The following PRDM16 variants were observed in gnomAD, a reference collection of about 807,000 sequenced individuals.
PRDM16 encodes histone-lysine N-methyltransferase PRDM16.
Under a neutral mutation model 110.6 loss-of-function variants are expected in PRDM16, and 23 were observed. The observed-to-expected ratio is 0.21, with a 90% CI of 0.15 to 0.29. PRDM16 has a LOEUF of 0.29. Ranked by LOEUF, PRDM16 falls within the 10% of genes least tolerant of loss-of-function variation. The pLI is 1.00. For missense variants in PRDM16, 1,615 were observed against 1,794.3 expected (o/e 0.90, Z 1.81); for synonymous variants, 799 against 781.8 (o/e 1.02, Z -0.37).
chr1:3,263,060 C>T (rs143790737), intron 3 of PRDM16, among the ~76,000 whole-genome samples: 91 of 152,240 alleles, frequency 6.0e-4, no homozygotes, highest in Non-Finnish European at 9.7e-4. Context: ...GGGCATGCAG[C>T]CTCTGGTTGG....
rs770605100 is a variant in PRDM16 at position 3,385,107 on chromosome 1, GCACA to G, written c.439-42_439-39del. 7.6e-4 allele frequency: 1,219 copies of G among 1,611,290 alleles called. 1 individual carries two copies. The highest frequency in any genetic ancestry group is 9.5e-4 in the Non-Finnish European group (1,123 of 1,179,456). ...GGGCAGAGGCTGTGTGCAGACTCCA[GCACA>G]CAGGGCACCTCTGACTCCCGCTTCG... On this transcript the variant is annotated intron_variant, in intron 3 of 16. Coordinates refer to ENST00000270722, the MANE Select transcript of PRDM16 (RefSeq NM_022114.4).
At chr1:3,124,885 G>T (rs1294133194) in intron 1 of PRDM16, among the ~76,000 whole-genome samples, 1 of 150,810 alleles carries the variant, frequency 6.6e-6, no homozygotes. Flanking sequence ...CAGCCCTGTG[G>T]GAAGTAGGCT....
intron 2 of PRDM16, among the ~76,000 whole-genome samples, chr1:3,188,743 G>A (rs1489811711): frequency 6.6e-6 from 1 of 152,166 alleles, no homozygotes; most frequent in Non-Finnish European, 1.5e-5. Flanking sequence ...CAGATGGGAC[G>A]GGGGGCAGCC....
chr1:3,192,731 G>A (rs1165662824), intron 2 of PRDM16, among the ~76,000 whole-genome samples: 1 of 152,062 alleles, frequency 6.6e-6, no homozygotes, highest in African/African-American at 2.4e-5. Context: ...GAGGCTCCTG[G>A]GACTCTGCTT....
At chr1:3,073,720 C>T (rs1164551822) in intron 1 of PRDM16, among the ~76,000 whole-genome samples, 1 of 152,190 alleles carries the variant, frequency 6.6e-6, no homozygotes, top group Non-Finnish European at 1.5e-5. Flanking sequence ...CCACTCCCCG[C>T]GCACAAAGTC....
chr1:3,079,156 C>G (rs1456228308), intron 1 of PRDM16, among the ~76,000 whole-genome samples: 1 of 152,238 alleles, frequency 6.6e-6, no homozygotes, highest in African/African-American at 2.4e-5. Context: ...GTCCCGGAAT[C>G]TCCGCCGCTG....
intron 2 of PRDM16, among the ~76,000 whole-genome samples, chr1:3,205,006 G>A (rs991923842): frequency 2.0e-5 from 3 of 152,286 alleles, no homozygotes; most frequent in Non-Finnish European, 4.4e-5. Flanking sequence ...GGGTAAAGAA[G>A]GGAAGGGGAA....
intron 2 of PRDM16, among the ~76,000 whole-genome samples, chr1:3,242,738 T>G (rs1639703864): frequency 6.6e-6 from 1 of 152,234 alleles, no homozygotes; most frequent in African/African-American, 2.4e-5. Flanking sequence ...TGTGCTGCTG[T>G]GCTCCGTCCT....
intron 4 of PRDM16, chr1:3,394,380 C>T: frequency 9.1e-6 from 4 of 441,392 alleles, no homozygotes; most frequent in South Asian, 4.8e-5. Flanking sequence ...AGCCCCCGTC[C>T]GCCCACCCAG....
rs548532538 is a variant in PRDM16 at position 3,425,325 on chromosome 1, G to A, written c.2940-256G>A. The A allele has an allele frequency of 6.2e-5, 22 of 354,436 alleles. No homozygotes were observed. Among genetic ancestry groups the A allele is most frequent in the Admixed American group, 2.6e-4 (6 of 22,970 alleles). 22.0% of individuals were successfully genotyped at this position (354,436 alleles called of 1,614,324 possible). A position where few individuals can be genotyped will look rare whatever the true frequency, so the allele number is the denominator to read the frequency against. ...GATCTCCTGACCTCGTGATCCACCC[G>A]CCTTGGCCTCCCAAAGTGCTGTGAT... On this transcript the variant is annotated intron_variant, in intron 12 of 16. Coordinates refer to ENST00000270722, the MANE Select transcript of PRDM16 (RefSeq NM_022114.4). The surrounding 1 kb of genome is among the most constrained non-coding windows in gnomAD (Gnocchi z 6.9).
At chr1:3,218,062 G>GC (rs781459109) in intron 2 of PRDM16, among the ~76,000 whole-genome samples, 30 of 152,290 alleles carry the variant, frequency 2.0e-4, no homozygotes, top group Middle Eastern at 3.4e-3. Context: ...CCTCGCTGCC[G>GC]CCCCCATCCC....
intron 2 of PRDM16, among the ~76,000 whole-genome samples, chr1:3,197,542 T>C (rs1211641905): frequency 6.6e-6 from 1 of 152,220 alleles, no homozygotes; most frequent in East Asian, 1.9e-4. Context: ...GGGATCAGCT[T>C]TGTGCTGCCA....
At chr1:3,084,523 G>GC (rs1642106063) in intron 1 of PRDM16, among the ~76,000 whole-genome samples, 2 of 152,156 alleles carry the variant, frequency 1.3e-5, no homozygotes, top group African/African-American at 4.8e-5. Context: ...GCTTGCATGG[G>GC]CCCCCGATAA....
intron 1 of PRDM16, among the ~76,000 whole-genome samples, chr1:3,158,576 C>G (rs1643874928): frequency 6.6e-6 from 1 of 152,132 alleles, no homozygotes; most frequent in African/African-American, 2.4e-5. Flanking sequence ...ACTTTACAAT[C>G]TCATCGCCAT....
rs1322638629 is a variant in PRDM16, at chr1:3,175,713, G to A, written c.38-10412G>A. ...CCCGCCACATGGGTGCAGGGAGGGT[G>A]ACAGCCGGTCAGCCCTGAAGAAGCA... On this transcript the variant is annotated intron_variant, in intron 1 of 16. Coordinates refer to ENST00000270722, the MANE Select transcript of PRDM16 (RefSeq NM_022114.4). This position sits in a 1 kb window ranked among gnomAD's most constrained non-coding sequence, Gnocchi z 4.8. Among the ~76,000 whole-genome samples, 1 of 152,202 alleles carries A rather than the reference G, an allele frequency of 6.6e-6. No homozygotes were observed. Among genetic ancestry groups the A allele is most frequent in the Non-Finnish European group, 1.5e-5 (1 of 68,036 alleles).
intron 1 of PRDM16, among the ~76,000 whole-genome samples, chr1:3,137,976 C>T (rs1225319476): frequency 6.6e-6 from 1 of 152,214 alleles, no homozygotes; most frequent in Non-Finnish European, 1.5e-5. Flanking sequence ...GAGGGTCCGT[C>T]CCTGGGCCAA....
At chr1:3,318,779 A>C (rs1267426451) in intron 3 of PRDM16, among the ~76,000 whole-genome samples, 1 of 152,230 alleles carries the variant, frequency 6.6e-6, no homozygotes, top group Non-Finnish European at 1.5e-5. Flanking sequence ...CATCTGGATG[A>C]CTAAGGCATG....
intron 3 of PRDM16, among the ~76,000 whole-genome samples, chr1:3,367,662 T>C (rs1642840310): frequency 6.6e-6 from 1 of 152,212 alleles, no homozygotes; most frequent in Admixed American, 6.5e-5. Flanking sequence ...TTCCCCGCTG[T>C]AGACTACGTG....
intron 1 of PRDM16, among the ~76,000 whole-genome samples, chr1:3,111,478 C>CGGGGGGAGGAGGGGGG (rs1557453398): frequency 3.1e-4 from 1 of 3,234 alleles, no homozygotes; most frequent in Non-Finnish European, 7.0e-4. Flanking sequence ...GGGAGGAGGA[C>CGGGGGGAGGAGGGGGG]AGGCAAGGAG....
Sources: allele counts gnomAD v4.1 joint callset (sites outside exome capture counted in the v4.1 genomes callset), GRCh38; gene constraint gnomAD v4.1.1; non-coding constraint Gnocchi (gnomAD v3.1); transcripts MANE v1.5; gene names NCBI Gene and HGNC (gene_info 2026-07-23, HGNC 2026-07-21).